Variants in VPS8 observed in about 807,000 individuals in gnomAD.
VPS8 encodes VPS8 subunit of CORVET complex.
VPS8 carries 129 observed loss-of-function variants against 216.4 expected under a neutral mutation model. The observed-to-expected ratio is 0.60, with a 90% CI of 0.52 to 0.69. The LOEUF (loss-of-function observed/expected upper bound fraction) is 0.69, where lower values mean the gene tolerates loss of function less well. Among genes scored for constraint, VPS8 ranks in the 30% least tolerant of loss-of-function variants. VPS8 has a pLI of 0.00. For missense variants in VPS8, 1,531 were observed against 1,683.5 expected (o/e 0.91, Z 1.59); for synonymous variants, 571 against 565.4 (o/e 1.01, Z -0.14).
In VPS8 at chr3:184,950,056, C is replaced by T. The variant is rs371090712; in HGVS notation, c.3036-7318C>T. 3.6e-3 allele frequency among the ~76,000 whole-genome samples: 549 copies of T among 151,352 alleles called. 3 individuals carry two copies. Among genetic ancestry groups the T allele is most frequent in the African/African-American group, 0.013 (527 of 41,246 alleles). On this transcript the variant is annotated intron_variant, in intron 36 of 47. Coordinates refer to ENST00000625842, the MANE Select transcript of VPS8 (RefSeq NM_001009921.3). Reference sequence around the variant, plus strand: ...TCCCGAGTAACTGGGATTACAGGTACGCACCACCACGCCCTAATTTTTTAT... The same window carrying T: ...TCCCGAGTAACTGGGATTACAGGTATGCACCACCACGCCCTAATTTTTTAT...
intron 3 of VPS8, among the ~76,000 whole-genome samples, chr3:184,830,743 A>G (rs1434813261): frequency 6.6e-6 from 1 of 152,114 alleles, no homozygotes; most frequent in Admixed American, 6.5e-5. Context: ...ATGCTGCTGT[A>G]TTTATTTCTG....
chr3:184,972,072 C>A (rs1317509426), intron 40 of VPS8, among the ~76,000 whole-genome samples: 4 of 96,400 alleles, frequency 4.1e-5, no homozygotes, highest in African/African-American at 8.5e-5. Flanking sequence ...AGTGAAACTC[C>A]ATCTCAAAAA....
chr3:184,866,789 A>ATATT, intron 16 of VPS8, 87 bp from the exon 17 acceptor site: 1 of 1,224,950 alleles, frequency 8.2e-7, no homozygotes. Flanking sequence ...TGTAACTAAT[A>ATATT]AGTCATTAAT....
chr3:184,865,714 G>T (rs1028264275), intron 16 of VPS8, among the ~76,000 whole-genome samples: 1 of 152,228 alleles, frequency 6.6e-6, no homozygotes, highest in Non-Finnish European at 1.5e-5. Context: ...GAGGCCAGGC[G>T]TGGTGGCTCT....
intron 26 of VPS8, among the ~76,000 whole-genome samples, 194 bp from the exon 27 acceptor site, chr3:184,914,787 C>T (rs757386042): frequency 1.7e-4 from 26 of 152,224 alleles, no homozygotes; most frequent in Non-Finnish European, 3.5e-4. Context: ...TGCATTACCT[C>T]ACCTCCATAT....
chr3:184,961,226 C>T (rs758342293), intron 37 of VPS8, among the ~76,000 whole-genome samples: 2 of 152,176 alleles, frequency 1.3e-5, no homozygotes, highest in African/African-American at 2.4e-5. Flanking sequence ...TGTACAGACA[C>T]ACACGTTATT....
intron 45 of VPS8, among the ~76,000 whole-genome samples, chr3:185,005,297 T>C (rs1754088979): frequency 6.6e-6 from 1 of 152,214 alleles, no homozygotes; most frequent in Admixed American, 6.5e-5. Context: ...TAGCTTGAAG[T>C]TGGGTAATGT....
chr3:185,017,807 A>G (rs913660667), intron 45 of VPS8, among the ~76,000 whole-genome samples: 2 of 152,232 alleles, frequency 1.3e-5, no homozygotes, highest in South Asian at 2.1e-4. Context: ...TGAGCCGGAA[A>G]GGTCCCGGTT....
At chr3:184,877,108 T>G (rs983479393) in intron 21 of VPS8, among the ~76,000 whole-genome samples, 4 of 152,218 alleles carry the variant, frequency 2.6e-5, no homozygotes, top group African/African-American at 7.2e-5. Flanking sequence ...AGAGCCTTTG[T>G]GCACAGTGTT....
chr3:184,992,484 C>T (rs1261721424), intron 42 of VPS8, among the ~76,000 whole-genome samples: 1 of 151,974 alleles, frequency 6.6e-6, no homozygotes, highest in East Asian at 1.9e-4. Flanking sequence ...ATTCAAATCC[C>T]ATCTTATCTG....
rs569347657 is a variant in VPS8, at chr3:184,898,984, A to G, written c.2094+330A>G. ...GCAGTAACTTTTTCTAAAGATACGA[A>G]AAATTTATTTTGTATAATTATTTTA... On this transcript the variant is annotated intron_variant, in intron 24 of 47. Transcript: ENST00000625842. Among the ~76,000 whole-genome samples the G allele has an allele frequency of 3.3e-5, 5 of 152,300 alleles. 1 individual carries two copies. Among genetic ancestry groups the G allele is most frequent in the Admixed American group, 3.3e-4 (5 of 15,292 alleles).
intron 21 of VPS8, among the ~76,000 whole-genome samples, chr3:184,881,474 C>A (rs1730255270): frequency 1.3e-5 from 2 of 152,218 alleles, no homozygotes; most frequent in Admixed American, 6.5e-5. Context: ...TATAGTGAAT[C>A]TAATTCTAGG....
chr3:184,848,924 C>T (rs1723709912), intron 8 of VPS8, 147 bp from the exon 9 acceptor site: 1 of 829,672 alleles, frequency 1.2e-6, no homozygotes, highest in Non-Finnish European at 1.8e-6. Context: ...GCTAGTTGCT[C>T]AATAAATATA....
At chr3:184,877,535 G>A (rs749640009) in intron 21 of VPS8, among the ~76,000 whole-genome samples, 13 of 152,182 alleles carry the variant, frequency 8.5e-5, no homozygotes, top group Admixed American at 5.2e-4. Context: ...CTGTATGCCT[G>A]ATGGCTATCT....
intron 37 of VPS8, among the ~76,000 whole-genome samples, chr3:184,962,210 A>G (rs1436769508): frequency 6.6e-6 from 1 of 152,224 alleles, no homozygotes; most frequent in Non-Finnish European, 1.5e-5. Context: ...TTGCTGTTAT[A>G]AACAGTGTTA....
chr3:185,036,635 A>G (rs566700545), intron 46 of VPS8, among the ~76,000 whole-genome samples: 112 of 151,812 alleles, frequency 7.4e-4, no homozygotes, highest in African/African-American at 2.7e-3. Flanking sequence ...AGATTTTCAT[A>G]TTCAGCTTTT....
At chr3:184,959,034 C>T (rs1381811338) in intron 37 of VPS8, among the ~76,000 whole-genome samples, 1 of 152,132 alleles carries the variant, frequency 6.6e-6, no homozygotes, top group Non-Finnish European at 1.5e-5. Context: ...CTTTAAAAGT[C>T]TCTCGTCTTC....
intron 47 of VPS8, among the ~76,000 whole-genome samples, chr3:185,049,603 TG>T (rs993624951): frequency 1.3e-5 from 2 of 152,114 alleles, no homozygotes; most frequent in Non-Finnish European, 2.9e-5. Context: ...AAACCAAGTA[TG>T]TCATGTTACT....
At chr3:184,900,434 C>G in intron 24 of VPS8, among the ~76,000 whole-genome samples, 1 of 152,154 alleles carries the variant, frequency 6.6e-6, no homozygotes, top group East Asian at 1.9e-4. Flanking sequence ...ATTTGCATTT[C>G]CTGGTGCTAA....
Sources: gnomAD v4.1 joint callset for allele counts (sites outside exome capture counted in the v4.1 genomes callset) on GRCh38, gnomAD v4.1.1 for gene constraint, MANE v1.5 for transcripts, NCBI Gene and HGNC (gene_info 2026-07-23, HGNC 2026-07-21) for gene names.